The following SPIDR variants were observed in gnomAD, a reference collection of about 807,000 sequenced individuals.
SPIDR encodes DNA repair-scaffolding protein.
Under a neutral mutation model 104.6 loss-of-function variants are expected in SPIDR, and 93 were observed. The observed-to-expected ratio is 0.89, with a 90% confidence interval of 0.75 to 1.06. The LOEUF (loss-of-function observed/expected upper bound fraction) is 1.06. Ranked by LOEUF, SPIDR falls within the 50% of genes least tolerant of loss-of-function variation. SPIDR has a pLI of 0.00. For synonymous variants in SPIDR, 431 were observed against 416.9 expected (o/e 1.03, Z -0.41); for missense variants, 1,154 against 1,111.2 (o/e 1.04, Z -0.55).
At chr8:47,517,858 T>A (rs981848213) in intron 8 of SPIDR, among the ~76,000 whole-genome samples, 2 of 152,248 alleles carry the variant, frequency 1.3e-5, no homozygotes, top group Non-Finnish European at 2.9e-5. Flanking sequence ...TTCAAACAAT[T>A]TTATCAGCAC....
intron 8 of SPIDR, among the ~76,000 whole-genome samples, chr8:47,548,818 G>A (rs868528783): frequency 3.3e-5 from 5 of 152,044 alleles, no homozygotes; most frequent in South Asian, 2.1e-4. Flanking sequence ...TGTGCACAAC[G>A]TGCAGGTTTG....
chr8:47,437,413 G>A (rs1453915411), intron 7 of SPIDR, among the ~76,000 whole-genome samples: 4 of 152,014 alleles, frequency 2.6e-5, no homozygotes, highest in Admixed American at 6.5e-5. Context: ...TCCCTACAAA[G>A]GACATGAACT....
intron 14 of SPIDR, 96 bp from the exon 15 acceptor site, chr8:47,712,566 C>A: frequency 7.7e-7 from 1 of 1,291,592 alleles, no homozygotes; most frequent in South Asian, 1.4e-5. Flanking sequence ...GAAATAATAT[C>A]TTAAATTGTT....
intron 8 of SPIDR, among the ~76,000 whole-genome samples, chr8:47,582,014 C>T (rs1260143966): frequency 1.3e-5 from 2 of 152,082 alleles, no homozygotes; most frequent in African/African-American, 4.8e-5. Flanking sequence ...GTCAGGAGTT[C>T]GAGACCAGCC....
At chr8:47,418,338 C>A (rs2064759066) in intron 7 of SPIDR, among the ~76,000 whole-genome samples, 1 of 152,112 alleles carries the variant, frequency 6.6e-6, no homozygotes, top group South Asian at 2.1e-4. Flanking sequence ...AGGTCCTTCC[C>A]ATCCCTTGTA....
intron 8 of SPIDR, among the ~76,000 whole-genome samples, chr8:47,487,555 C>G (rs2077885036): frequency 6.6e-6 from 1 of 152,172 alleles, no homozygotes; most frequent in Admixed American, 6.5e-5. Flanking sequence ...AATATACATT[C>G]TTCCCAGCAC....
intron 6 of SPIDR, among the ~76,000 whole-genome samples, chr8:47,399,836 A>T (rs1423879451): frequency 6.6e-6 from 1 of 152,156 alleles, no homozygotes; most frequent in Non-Finnish European, 1.5e-5. Context: ...CTGATTGAGG[A>T]CTGGGGAAAA....
chr8:47,659,214 A>T (rs2073579428), intron 10 of SPIDR, among the ~76,000 whole-genome samples: 1 of 152,086 alleles, frequency 6.6e-6, no homozygotes, highest in African/African-American at 2.4e-5. Context: ...AGCCGAGATG[A>T]CAGCACGGTA....
intron 14 of SPIDR, among the ~76,000 whole-genome samples, chr8:47,710,131 G>A (rs2154487253): frequency 6.6e-6 from 1 of 152,200 alleles, no homozygotes; most frequent in South Asian, 2.1e-4. Flanking sequence ...ACCCGCCTTG[G>A]TCTCCCAATG....
chr8:47,402,804 A>C (rs1162289304), intron 6 of SPIDR, among the ~76,000 whole-genome samples: 1 of 152,244 alleles, frequency 6.6e-6, no homozygotes, highest in African/African-American at 2.4e-5. Flanking sequence ...TTACTTCTGA[A>C]ACTATTCCAA....
chr8:47,317,355 C>CTA, intron 5 of SPIDR, among the ~76,000 whole-genome samples: 1 of 152,170 alleles, frequency 6.6e-6, no homozygotes, highest in Middle Eastern at 3.4e-3. Flanking sequence ...TCGCTCATTG[C>CTA]TAGCACAGCA....
intron 10 of SPIDR, among the ~76,000 whole-genome samples, chr8:47,660,160 GT>G (rs1397047657): frequency 6.6e-6 from 1 of 152,048 alleles, no homozygotes; most frequent in Non-Finnish European, 1.5e-5. Context: ...AAAATTAAGA[GT>G]TTTATTTTTT....
At chr8:47,730,436 T>C (rs1008680854) in intron 19 of SPIDR, among the ~76,000 whole-genome samples, 35 of 152,208 alleles carry the variant, frequency 2.3e-4, no homozygotes, top group African/African-American at 7.7e-4. Flanking sequence ...AAGAGACATC[T>C]GGAACCAGAG....
chr8:47,516,497 C>T (rs1312741192), intron 8 of SPIDR, among the ~76,000 whole-genome samples: 4 of 152,088 alleles, frequency 2.6e-5, no homozygotes, highest in Admixed American at 6.6e-5. Flanking sequence ...GTTACCTATT[C>T]TAGGTAACTC....
intron 10 of SPIDR, among the ~76,000 whole-genome samples, chr8:47,619,366 C>G (rs1482982799): frequency 6.6e-6 from 1 of 152,168 alleles, no homozygotes; most frequent in Non-Finnish European, 1.5e-5. Flanking sequence ...ATACTAGTTA[C>G]AAATTATTGA....
chr8:47,689,744 G>T (rs918941571), intron 11 of SPIDR, among the ~76,000 whole-genome samples: 11 of 152,132 alleles, frequency 7.2e-5, no homozygotes, highest in African/African-American at 2.7e-4. Context: ...CGTGACTGGG[G>T]GTGGCATGGG....
chr8:47,359,252 C>CAAA (rs11372277), intron 5 of SPIDR, among the ~76,000 whole-genome samples: 2 of 114,918 alleles, frequency 1.7e-5, no homozygotes, highest in Non-Finnish European at 1.7e-5. Context: ...GACTCCGTCT[C>CAAA]AAAAAAAAAA....
At chr8:47,544,557 T>C (rs1250978352) in intron 8 of SPIDR, among the ~76,000 whole-genome samples, 1 of 152,258 alleles carries the variant, frequency 6.6e-6, no homozygotes, top group Non-Finnish European at 1.5e-5. Context: ...TTGGTTTTTC[T>C]GTTTTTTGCC....
chr8:47,538,002 C>A (rs1019842230), intron 8 of SPIDR, among the ~76,000 whole-genome samples: 33 of 151,924 alleles, frequency 2.2e-4, no homozygotes, highest in African/African-American at 8.0e-4. Context: ...CGGTGAAACC[C>A]CATCTCTACT....
Sources: allele counts gnomAD v4.1 joint callset (sites outside exome capture counted in the v4.1 genomes callset), GRCh38; gene constraint gnomAD v4.1.1; transcripts MANE v1.5; gene names NCBI Gene and HGNC (gene_info 2026-07-23, HGNC 2026-07-21).